The following SNX14 variants were observed in gnomAD, a reference collection of about 807,000 sequenced individuals.
SNX14 encodes sorting nexin 14, also known as sorting nexin-14.
SNX14 carries 93 observed loss-of-function variants against 133.8 expected under a neutral mutation model. That is an observed-to-expected ratio of 0.70 (90% CI 0.59 to 0.83). The LOEUF (loss-of-function observed/expected upper bound fraction) is 0.83. SNX14 is among the 40% of genes least tolerant of loss of function. The pLI, the probability that SNX14 is intolerant of heterozygous loss-of-function variation, is 0.00. For synonymous variants in SNX14, 368 were observed against 365.6 expected (o/e 1.01, Z -0.07); for missense variants, 945 against 1,094.9 (o/e 0.86, Z 1.93).
At chr6:85,506,562 C>T (rs1342628133) in intron 28 of SNX14, among the ~76,000 whole-genome samples, 12 of 152,156 alleles carry the variant, frequency 7.9e-5, no homozygotes, top group African/African-American at 1.9e-4. Flanking sequence ...GTGATCCCCC[C>T]GCCTTGGCCT....
At chr6:85,587,472 A>C (rs1035986150) in intron 1 of SNX14, among the ~76,000 whole-genome samples, 2 of 152,212 alleles carry the variant, frequency 1.3e-5, no homozygotes, top group African/African-American at 4.8e-5. Context: ...TAACTTTTAA[A>C]AAATTTTTTT....
chr6:85,570,303 G>T (rs993487819), intron 4 of SNX14, among the ~76,000 whole-genome samples: 3 of 141,082 alleles, frequency 2.1e-5, no homozygotes, highest in Non-Finnish European at 3.1e-5. Context: ...TGGACCAAGG[G>T]TTTTATACAA....
intron 17 of SNX14, 64 bp from the exon 18 acceptor site, chr6:85,533,864 A>T (rs1781012205): frequency 7.7e-7 from 1 of 1,296,604 alleles, no homozygotes; most frequent in Non-Finnish European, 1.1e-6. Context: ...AGCATATGAG[A>T]TACAAGTATA....
intron 7 of SNX14, among the ~76,000 whole-genome samples, chr6:85,550,977 C>T: frequency 6.6e-6 from 1 of 151,830 alleles, no homozygotes; most frequent in East Asian, 1.9e-4. Context: ...GACAGGGTTT[C>T]ACCATGTTGG....
Position 85,567,581 on chromosome 6 carries a change from CATAAACA to C in SNX14, c.418-11_418-5del. 1 of 1,502,466 alleles carries C rather than the reference CATAAACA, an allele frequency of 6.7e-7. No homozygotes were observed. The highest frequency in any genetic ancestry group is 1.3e-5 in the South Asian group (1 of 76,046). The allele number at this position is 1,502,466 out of a possible 1,614,324, so 93.1% of individuals were successfully genotyped here. On this transcript the variant is annotated splice_region_variant and splice_polypyrimidine_tract_variant and intron_variant, in intron 4 of 28. Transcript: ENST00000314673. The stretch of plus-strand genomic sequence containing the variant: ...TTTCCAACACTAATTCAAGAACCTG[CATAAACA>C]ATTATTTTTTAAAGAAAAATAAAAT...
At position 85,549,723 on chromosome 6, in the gene SNX14, C is replaced by G. The variant is rs1283054772; in HGVS notation, c.791G>C (p.Arg264Thr). Residue 264 changes from arginine to threonine, a missense_variant and splice_region_variant, in exon 8 of 29, where the codon AGA (arginine) becomes ACA (threonine). By Grantham distance (71) the Arg-to-Thr change is moderately conservative (BLOSUM62 -1). This residue lies in a region of SNX14 where 514 missense variants were observed against 538.8 expected (regional missense o/e 0.95). Transcript: ENST00000314673. ...ATTATATTGTCTAGTCTTTTTATAC[C>G]TGCAGTCTGTTGCTTTAGGAGGCAA... ...YILPPKATDC[R>T]SLTLLIREIL... 1 of 1,610,746 alleles carries G rather than the reference C, an allele frequency of 6.2e-7. No individual in the cohort carries two copies.
rs760199489 is a variant in SNX14 at position 85,517,869 on chromosome 6, G to C, written c.2155C>G (p.Gln719Glu). 1.2e-6 allele frequency: 2 copies of C among 1,605,020 alleles called. No individual in the cohort carries two copies. The highest frequency in any genetic ancestry group is 2.7e-5 in the African/African-American group (2 of 74,328). The change falls in exon 23 of 29, where the codon CAG (glutamine) becomes GAG (glutamate). Residue 719 changes from glutamine to glutamate, a missense_variant. Coordinates refer to ENST00000314673, the MANE Select transcript of SNX14 (RefSeq NM_153816.6). ...VPGKLMKEKGQHLEPFIMNFI... is the reference protein window; with the variant it reads ...VPGKLMKEKGEHLEPFIMNFI... ...TTCATGATAAAAGGTTCCAAATGCT[G>C]ACCTTTCTGTGGTGATAGATTATTG...
At chr6:85,563,135 G>C (rs991411972) in intron 6 of SNX14, among the ~76,000 whole-genome samples, 1 of 151,902 alleles carries the variant, frequency 6.6e-6, no homozygotes, top group Non-Finnish European at 1.5e-5. Flanking sequence ...ACTACTGTAC[G>C]TTTTTTGCAT....
chr6:85,505,951 T>C lies in SNX14; in HGVS notation c.*16A>G, dbSNP rs780542437. On this transcript the variant is annotated 3_prime_UTR_variant, in exon 29 of 29. Coordinates refer to ENST00000314673, the MANE Select transcript of SNX14 (RefSeq NM_153816.6). Reference sequence around the variant, plus strand: ...GCAGAAATTTCAATGGGTTATTCTATACCAAATCCAAGTGTTTACATCCAA... The same window carrying C: ...GCAGAAATTTCAATGGGTTATTCTACACCAAATCCAAGTGTTTACATCCAA... 2 of 1,590,042 alleles carry C rather than the reference T, an allele frequency of 1.3e-6. No individual in the cohort carries two copies. The highest frequency in any genetic ancestry group is 1.7e-5 in the Admixed American group (1 of 59,918).
intron 21 of SNX14, 75 bp from the exon 22 acceptor site, chr6:85,518,123 G>C (rs528620356): frequency 1.6e-6 from 2 of 1,216,300 alleles, no homozygotes; most frequent in South Asian, 2.8e-5. Flanking sequence ...TACTTAACCA[G>C]GTAATTTTAA....
chr6:85,572,103 A>C lies in SNX14; in HGVS notation c.417+34T>G, dbSNP rs1217064420. 5 of 1,556,968 alleles carry C rather than the reference A, an allele frequency of 3.2e-6. No homozygotes were observed. The Admixed American group carries it at 8.0e-5, about 25-fold the overall frequency. ...GAAAATTTTTCCACAGGCATTTAAC[A>C]TTTTCTGTTAATAATATTAATTAAA... On this transcript the variant is annotated intron_variant, in intron 4 of 28. Coordinates refer to ENST00000314673, the MANE Select transcript of SNX14 (RefSeq NM_153816.6).
At chr6:85,571,326 C>T (rs910728299) in intron 4 of SNX14, among the ~76,000 whole-genome samples, 8 of 149,498 alleles carry the variant, frequency 5.4e-5, no homozygotes, top group African/African-American at 2.0e-4. Context: ...CACCACTGCA[C>T]TCCGGCCTGG....
chr6:85,592,825 TAAAA>T (rs11427677), intron 1 of SNX14, among the ~76,000 whole-genome samples: 1 of 130,658 alleles, frequency 7.7e-6, no homozygotes. Context: ...CCGTCTCTAC[TAAAA>T]AAAAAAAAAA....
At chr6:85,563,936 G>A (rs1370795910) in intron 6 of SNX14, among the ~76,000 whole-genome samples, 1 of 151,550 alleles carries the variant, frequency 6.6e-6, no homozygotes, top group African/African-American at 2.4e-5. Context: ...CCCACCCCAT[G>A]ACAGGTCCTG....
At chr6:85,530,131 T>C (rs1779760919) in intron 19 of SNX14, 61 bp downstream of exon 19, 7 of 982,528 alleles carry the variant, frequency 7.1e-6, no homozygotes, top group Non-Finnish European at 9.2e-6. Context: ...TAATCTGGTG[T>C]CATAGTTTTA....
At position 85,528,257 on chromosome 6, in the gene SNX14, T is replaced by A. The variant is rs150615612; in HGVS notation, c.1995+5A>T. The A allele has an allele frequency of 1.8e-4, 291 of 1,581,640 alleles. 1 individual carries two copies. In the African/African-American group the frequency reaches 3.5e-3, roughly 19 times the overall value. ...CATTTGGAATTAATACAGTTGATGT[T>A]ATACCTGTAGATATTCTTGGAACTC... On this transcript the variant is annotated splice_donor_5th_base_variant and intron_variant, in intron 20 of 28. Coordinates refer to ENST00000314673, the MANE Select transcript of SNX14 (RefSeq NM_153816.6).
intron 18 of SNX14, among the ~76,000 whole-genome samples, chr6:85,533,099 C>G (rs763121186): frequency 1.3e-5 from 2 of 152,100 alleles, no homozygotes; most frequent in African/African-American, 4.8e-5. Flanking sequence ...GTGGGCCAGG[C>G]GGGTCTCAAA....
intron 1 of SNX14, chr6:85,588,931 G>A: frequency 2.2e-6 from 1 of 454,856 alleles, no homozygotes; most frequent in Non-Finnish European, 4.4e-6. Context: ...AGGCTGAAGA[G>A]GAGGGGTTGG....
At chr6:85,522,038 T>C (rs369909743) in intron 21 of SNX14, among the ~76,000 whole-genome samples, 2 of 152,252 alleles carry the variant, frequency 1.3e-5, no homozygotes, top group East Asian at 3.8e-4. Context: ...CTCTGTCAAA[T>C]TTAGTTGACT....
Sources: gnomAD v4.1 joint callset for allele counts (sites outside exome capture counted in the v4.1 genomes callset) on GRCh38, gnomAD v4.1.1 for gene constraint, gnomAD v4.1.1 regional missense constraint, MANE v1.5 for transcripts, NCBI Gene and HGNC (gene_info 2026-07-23, HGNC 2026-07-21) for gene names.